The following GRIN3B variants were observed in gnomAD, a reference collection of about 807,000 sequenced individuals.
GRIN3B encodes the protein glutamate receptor ionotropic, NMDA 3B.
In GRIN3B, 77 loss-of-function variants were observed where a neutral mutation model predicts 66.0. The observed-to-expected ratio is 1.17, with a 90% CI of 0.97 to 1.41. GRIN3B has a LOEUF of 1.41. Among genes scored for constraint, GRIN3B ranks in the 40% most tolerant of loss-of-function variants. The pLI is 0.00. For missense variants in GRIN3B, 1,787 were observed against 1,564.5 expected, an observed-to-expected ratio of 1.14 and a Z score of -2.40; for synonymous variants, 823 against 749.7, an observed-to-expected ratio of 1.10 and a Z score of -1.60.
intron 6 of GRIN3B, 136 bp downstream of exon 6, chr19:1,008,427 A>G: frequency 9.5e-7 from 1 of 1,050,948 alleles, no homozygotes; most frequent in Non-Finnish European, 1.4e-6. Context: ...TATTCACCCT[A>G]CAAAACCCCG....
In GRIN3B at chr19:1,007,653, G is replaced by A. The variant is rs1465008411; in HGVS notation, c.2078G>A (p.Arg693His). 2 of 1,526,194 alleles carry A rather than the reference G, an allele frequency of 1.3e-6. No homozygotes were observed. Among genetic ancestry groups the A allele is most frequent in the African/African-American group, 1.4e-5 (1 of 71,328 alleles). The allele number at this position is 1,526,194 out of a possible 1,614,324, so 94.5% of individuals were successfully genotyped here. Residue 693 changes from arginine (R) to histidine (H), a missense_variant, in exon 4 of 9, where the codon CGC (arginine) becomes CAC (histidine). By Grantham distance (29) the Arg-to-His change is conservative. Coordinates refer to ENST00000234389, the MANE Select transcript of GRIN3B (RefSeq NM_138690.3). The surrounding 1 kb of genome is among the most constrained non-coding windows in gnomAD (Gnocchi z 4.4). ...PKLHHPAQGFRFGTVWESSAE... is the reference protein window; with the variant it reads ...PKLHHPAQGFHFGTVWESSAE... ...CTGCACCACCCGGCGCAGGGCTTCC[G>A]CTTCGGCACCGTGTGGGAGAGCAGC...
In GRIN3B at chr19:1,008,829, C is replaced by T. The variant is rs756260573; in HGVS notation, c.2632-28C>T. ...GGCGGCCCCACCCCCCCCGCCTCCT[C>T]GCCAACCGGGTCTGTCTGGGGTCTT... On this transcript the variant is annotated intron_variant, in intron 7 of 8. Coordinates refer to ENST00000234389, the MANE Select transcript of GRIN3B (RefSeq NM_138690.3). 95 of 1,594,560 alleles carry T rather than the reference C, an allele frequency of 6.0e-5. 2 individuals are homozygous for T. In the South Asian group the frequency reaches 9.4e-4, roughly 16 times the overall value.
Position 1,009,164 on chromosome 19 carries a change from C to G in GRIN3B, c.2703-9C>G, listed in dbSNP as rs765270801. 1.7e-5 allele frequency: 25 copies of G among 1,459,936 alleles called. No homozygotes were observed. Among genetic ancestry groups the G allele is most frequent in the Non-Finnish European group, 2.2e-5 (25 of 1,116,762 alleles). The allele number at this position is 1,459,936 out of a possible 1,614,324, so 90.4% of individuals were successfully genotyped here. A position where few individuals can be genotyped will look rare whatever the true frequency, so the allele number is the denominator to read the frequency against. On this transcript the variant is annotated splice_polypyrimidine_tract_variant and intron_variant, in intron 8 of 8. Transcript: ENST00000234389. ...CGGCGGACACTGACCAGGCCGGTTC[C>G]GTCCCCAGCGGCCCCGAGGTGGAGC... is the stretch of plus-strand genomic sequence containing the variant.
At position 1,005,195 on chromosome 19, in the gene GRIN3B, C is replaced by G; in HGVS notation, c.1694C>G (p.Pro565Arg). The change falls in exon 3 of 9, where the codon CCC becomes CGC. Residue 565 changes from proline (P) to arginine (R), a missense_variant. By Grantham distance (103) the Pro-to-Arg change is moderately radical. Transcript: ENST00000234389. The surrounding 1 kb of genome is among the most constrained non-coding windows in gnomAD (Gnocchi z 5.2). ...GTGCGGGCACGGGACACGGCCTCAC[C>G]CATCGGTGCCTTTATGTGGCCCCTG... ...IMVRARDTAS[P>R]IGAFMWPLHW... is the part of the protein sequence containing the mutation. The G allele has an allele frequency of 1.9e-6, 3 of 1,613,544 alleles. No homozygotes were observed. Among genetic ancestry groups the G allele is most frequent in the Non-Finnish European group, 2.5e-6 (3 of 1,179,952 alleles).
chr19:1,009,011 T>C (rs2038802079), intron 8 of GRIN3B, 84 bp downstream of exon 8: 1 of 1,507,110 alleles, frequency 6.6e-7, no homozygotes, highest in Non-Finnish European at 9.0e-7. Flanking sequence ...GGCCGCGGGG[T>C]GCAGGAGGTT....
At position 1,009,185 on chromosome 19, in the gene GRIN3B, G is replaced by T; in HGVS notation, c.2715G>T (p.Val905=). ...GTTCCGTCCCCAGCGGCCCCGAGGTGGAGCAGCAGCAGCAGCAGCAGGACC... is the reference window on the plus strand; with the variant it reads ...GTTCCGTCCCCAGCGGCCCCGAGGTTGAGCAGCAGCAGCAGCAGCAGGACC... ...TAEAEPSGPE[V]EQQQQQQDQP... The change falls in exon 9 of 9, where the codon GTG becomes GTT. Residue 905 remains valine, a synonymous_variant. Coordinates refer to ENST00000234389, the MANE Select transcript of GRIN3B (RefSeq NM_138690.3). The T allele has an allele frequency of 6.8e-7, 1 of 1,473,742 alleles. No homozygotes were observed. Among genetic ancestry groups the T allele is most frequent in the Non-Finnish European group, 8.9e-7 (1 of 1,123,952 alleles). The allele number at this position is 1,473,742 out of a possible 1,614,324, so 91.3% of individuals were successfully genotyped here.
rs780430082 is a variant in GRIN3B at position 1,009,558 on chromosome 19, G to A, written c.3088G>A (p.Ala1030Thr). The change falls in exon 9 of 9, where the codon GCG becomes ACG. Residue 1030 changes from alanine to threonine, a missense_variant. By Grantham distance (58) the Ala-to-Thr change is moderately conservative. Transcript: ENST00000234389. ...RRLLQARAAP[A>T]EAPPHSGRPG... ...CTTGCTTCAGGCCAGAGCGGCCCCCGCGGAGGCCCCACCACACTCTGGCCG... is the reference window on the plus strand; with the variant it reads ...CTTGCTTCAGGCCAGAGCGGCCCCCACGGAGGCCCCACCACACTCTGGCCG... 15 of 895,688 alleles carry A rather than the reference G, an allele frequency of 1.7e-5. No individual in the cohort carries two copies. Among genetic ancestry groups the A allele is most frequent in the South Asian group, 2.0e-5 (1 of 50,394 alleles). 55.5% of individuals were successfully genotyped at this position (895,688 alleles called of 1,614,324 possible). A position where few individuals can be genotyped will look rare whatever the true frequency, so the allele number is the denominator to read the frequency against.
Position 1,008,965 on chromosome 19 carries a change from C to T in GRIN3B, c.2702+38C>T, listed in dbSNP as rs375117821. ...CGGGGCGGACCACGATGCAGGACCA[C>T]CCAGACCCACCACCCCACCAGCTCG... On this transcript the variant is annotated intron_variant, in intron 8 of 8. Coordinates refer to ENST00000234389, the MANE Select transcript of GRIN3B (RefSeq NM_138690.3). 6.4e-6 allele frequency: 10 copies of T among 1,564,932 alleles called. No individual in the cohort carries two copies. In the African/African-American group the frequency reaches 6.8e-5, roughly 11 times the overall value.
Position 1,002,963 on chromosome 19 carries a change from G to A in GRIN3B, c.427-167G>A, listed in dbSNP as rs538290945. On this transcript the variant is annotated intron_variant, in intron 1 of 8. Transcript: ENST00000234389. ...GGAGACTGAGCTTTGTGGGGATGGT[G>A]ATGGGGAACGATGGAAGGGTTTAGA... Among the ~76,000 whole-genome samples, 23 of 152,232 alleles carry A rather than the reference G, an allele frequency of 1.5e-4. No homozygotes were observed. The East Asian group carries it at 4.4e-3, about 29-fold the overall frequency.
rs1292465276 is a variant in GRIN3B, at chr19:1,009,200, G to A, written c.2730G>A (p.Gln910=). 6.8e-7 allele frequency: 1 copy of A among 1,477,420 alleles called. No homozygotes were observed. Among genetic ancestry groups the A allele is most frequent in the East Asian group, 2.7e-5 (1 of 37,650 alleles). The allele number at this position is 1,477,420 out of a possible 1,614,324, so 91.5% of individuals were successfully genotyped here. A position where few individuals can be genotyped will look rare whatever the true frequency, so the allele number is the denominator to read the frequency against. Residue 910 remains glutamine (Q), a synonymous_variant, in exon 9 of 9, where the codon CAG becomes CAA. Transcript: ENST00000234389. The stretch of plus-strand genomic sequence containing the variant: ...GCCCCGAGGTGGAGCAGCAGCAGCA[G>A]CAGCAGGACCAGCCAACGGCTCCGG... ...PSGPEVEQQQ[Q]QQDQPTAPEG...
Position 1,003,208 on chromosome 19 carries a change from C to T in GRIN3B, c.505C>T (p.His169Tyr), listed in dbSNP as rs1225831254. 3.9e-6 allele frequency: 6 copies of T among 1,550,674 alleles called. No homozygotes were observed. The highest frequency in any genetic ancestry group is 5.2e-6 in the Non-Finnish European group (6 of 1,149,994). Reference protein sequence around the residue: ...LDVLVAVLQAHAWEDVGLALC... With the variant: ...LDVLVAVLQAYAWEDVGLALC... ...TGTGCTGGTGGCGGTGCTGCAGGCG[C>T]ACGCCTGGGAAGACGTCGGCCTGGC... The change falls in exon 2 of 9, where the codon CAC (histidine) becomes TAC (tyrosine). Residue 169 changes from histidine to tyrosine, a missense_variant. Transcript: ENST00000234389.
rs867567163 is a variant in GRIN3B at position 1,008,724 on chromosome 19, T to A, written c.2573T>A (p.Leu858Gln). The change falls in exon 7 of 9, where the codon CTG (leucine) becomes CAG (glutamine). Residue 858 changes from leucine (L) to glutamine (Q), a missense_variant. By Grantham distance (113) the Leu-to-Gln change is moderately radical. Transcript: ENST00000234389. ...CTGGGCGAGCACGCCTTCTTCCGCC[T>A]GGCGCTGCCGCGCATCCGCAAGGGG... ...SSLGEHAFFR[L>Q]ALPRIRKGSR... is the part of the protein sequence containing the mutation. 6.2e-6 allele frequency: 10 copies of A among 1,608,804 alleles called. No individual in the cohort carries two copies. The highest frequency in any genetic ancestry group is 8.5e-6 in the Non-Finnish European group (10 of 1,178,944).
At chr19:1,006,570 G>A (rs2038751251) in intron 3 of GRIN3B, among the ~76,000 whole-genome samples, 1 of 152,140 alleles carries the variant, frequency 6.6e-6, no homozygotes, top group African/African-American at 2.4e-5. Flanking sequence ...GCCTCCCACA[G>A]TGCTGGGATT....
At chr19:1,003,069 G>A in intron 1 of GRIN3B, 61 bp from the exon 2 acceptor site, 2 of 1,214,992 alleles carry the variant, frequency 1.6e-6, no homozygotes, top group Non-Finnish European at 2.2e-6. Flanking sequence ...CGCTGCTGGG[G>A]TGGGAAGGGT....
Position 1,005,204 on chromosome 19 carries a change from C to G in GRIN3B, c.1703C>G (p.Ala568Gly), listed in dbSNP as rs1282993828. ...RARDTASPIG[A>G]FMWPLHWSTW... ...CGGGACACGGCCTCACCCATCGGTGCCTTTATGTGGCCCCTGCACTGGTCC... is the reference window on the plus strand; with the variant it reads ...CGGGACACGGCCTCACCCATCGGTGGCTTTATGTGGCCCCTGCACTGGTCC... Residue 568 changes from alanine (A) to glycine (G), a missense_variant, in exon 3 of 9, where the codon GCC (alanine) becomes GGC (glycine). Transcript: ENST00000234389. This position sits in a 1 kb window ranked among gnomAD's most constrained non-coding sequence, Gnocchi z 5.2. The G allele has an allele frequency of 1.2e-6, 2 of 1,613,432 alleles. No individual in the cohort carries two copies. Among genetic ancestry groups the G allele is most frequent in the Non-Finnish European group, 1.7e-6 (2 of 1,179,946 alleles).
chr19:1,008,528 C>A, intron 6 of GRIN3B, 90 bp from the exon 7 acceptor site: 1 of 1,463,464 alleles, frequency 6.8e-7, no homozygotes, highest in Non-Finnish European at 9.2e-7. Flanking sequence ...AAGCCCCTCT[C>A]TCTGGCCCAA....
rs1365364703 is a variant in GRIN3B at position 1,009,722 on chromosome 19, G to A, written c.*120G>A. The A allele has an allele frequency of 1.1e-6, 1 of 896,862 alleles. No individual in the cohort carries two copies. The highest frequency in any genetic ancestry group is 1.8e-5 in the African/African-American group (1 of 56,712). 55.6% of individuals were successfully genotyped at this position (896,862 alleles called of 1,614,324 possible). ...ACACTGCAATTAAATAGAATGGAAT[G>A]AGCGCTCCTCCGCATTCCTCCCCGA... On this transcript the variant is annotated 3_prime_UTR_variant, in exon 9 of 9. Transcript: ENST00000234389.
Position 1,005,448 on chromosome 19 carries a change from G to A in GRIN3B, c.1947G>A (p.Trp649Ter). The A allele has an allele frequency of 6.2e-7, 1 of 1,613,502 alleles. No individual in the cohort carries two copies. Among genetic ancestry groups the A allele is most frequent in the South Asian group, 1.1e-5 (1 of 91,088 alleles). Residue 649 changes from tryptophan (W) to a stop codon, truncating the protein, a stop_gained, in exon 3 of 9, where the codon TGG becomes TGA. Coordinates refer to ENST00000234389, the MANE Select transcript of GRIN3B (RefSeq NM_138690.3). LOFTEE classifies it high-confidence loss of function. The surrounding 1 kb of genome is among the most constrained non-coding windows in gnomAD (Gnocchi z 5.2). ...CGGGCCGCCTGCTCATGAACCTCTG[G>A]GCCATCTTCTGCCTGCTGGTGCTGT... ...CPTGRLLMNL[W>*]AIFCLLVLSS...
Position 1,005,767 on chromosome 19 carries a change from A to T in GRIN3B, c.2052+214A>T, listed in dbSNP as rs921698071. Among the ~76,000 whole-genome samples the T allele has an allele frequency of 6.6e-6, 1 of 152,126 alleles. No individual in the cohort carries two copies. The highest frequency in any genetic ancestry group is 2.4e-5 in the African/African-American group (1 of 41,448). ...GTAATCCCAGCACTTTGGGAGACCA[A>T]GGCAGGCAGATCACCTGAAGTCAGG... On this transcript the variant is annotated intron_variant, in intron 3 of 8. Coordinates refer to ENST00000234389, the MANE Select transcript of GRIN3B (RefSeq NM_138690.3). The surrounding 1 kb of genome is among the most constrained non-coding windows in gnomAD (Gnocchi z 5.2).
Sources: allele counts gnomAD v4.1 joint callset (sites outside exome capture counted in the v4.1 genomes callset), GRCh38; gene constraint gnomAD v4.1.1; non-coding constraint Gnocchi (gnomAD v3.1); transcripts MANE v1.5; gene names NCBI Gene and HGNC (gene_info 2026-07-23, HGNC 2026-07-21).